Variants in PARD3 observed in about 807,000 individuals in gnomAD.
PARD3 encodes the protein par-3 family cell polarity regulator, also known as partitioning defective 3 homolog.
In PARD3, 75 loss-of-function variants were observed where a neutral mutation model predicts 155.4. That is an observed-to-expected ratio of 0.48 (90% CI 0.40 to 0.58). The LOEUF (loss-of-function observed/expected upper bound fraction) is 0.58. Ranked by LOEUF, PARD3 falls within the 20% of genes least tolerant of loss-of-function variation. The probability of loss-of-function intolerance (pLI) is 0.00; values close to 1 mark genes in which losing one functional copy is unlikely to be tolerated. For missense variants in PARD3, 1,642 were observed against 1,721.7 expected, an observed-to-expected ratio of 0.95 and a Z score of 0.82; for synonymous variants, 576 against 610.5, an observed-to-expected ratio of 0.94 and a Z score of 0.83.
chr10:34,124,825 TA>T (rs1947189963), intron 23 of PARD3, among the ~76,000 whole-genome samples: 1 of 152,108 alleles, frequency 6.6e-6, no homozygotes, highest in Admixed American at 6.5e-5. Flanking sequence ...ACACTGAAAA[TA>T]AAAAGGTTGC....
chr10:34,130,978 T>A (rs571316928), intron 23 of PARD3, among the ~76,000 whole-genome samples: 110 of 152,258 alleles, frequency 7.2e-4, no homozygotes, highest in African/African-American at 2.4e-3. Flanking sequence ...GAGGATTGCC[T>A]AAGCCTAGGA....
rs55681930 is a variant in PARD3, at chr10:34,227,856, T to TTATATATATATATATATATATATA, written c.3419+41777_3419+41800dup. Among the ~76,000 whole-genome samples, 440 of 82,016 alleles carry TTATATATATATATATATATATATA rather than the reference T, an allele frequency of 5.4e-3. 9 individuals are homozygous for TTATATATATATATATATATATATA. Among genetic ancestry groups the TTATATATATATATATATATATATA allele is most frequent in the Non-Finnish European group, 7.5e-3 (321 of 42,704 alleles). 53.8% of individuals were successfully genotyped at this position (82,016 alleles called of 152,430 possible). A position where few individuals can be genotyped will look rare whatever the true frequency, so the allele number is the denominator to read the frequency against. On this transcript the variant is annotated intron_variant, in intron 22 of 24. Transcript: ENST00000374788. ...TATTCCCAGTAATGGGAATTATTTTTTATATATATATATATATATATATAT... is the reference window on the plus strand; with the variant it reads ...TATTCCCAGTAATGGGAATTATTTTTTATATATATATATATATATATATATATATATATATATATATATATATAT...
intron 5 of PARD3, among the ~76,000 whole-genome samples, chr10:34,444,231 G>A (rs970034939): frequency 7.2e-5 from 11 of 152,140 alleles, no homozygotes; most frequent in Admixed American, 1.3e-4. Flanking sequence ...AAAATGGCAG[G>A]CTCCCAATTA....
chr10:34,278,718 G>C (rs1168426913), intron 21 of PARD3, among the ~76,000 whole-genome samples: 1 of 152,146 alleles, frequency 6.6e-6, no homozygotes, highest in Admixed American at 6.5e-5. Flanking sequence ...CCTTAGCCCT[G>C]TGGAACTGAG....
intron 22 of PARD3, among the ~76,000 whole-genome samples, chr10:34,231,719 C>T (rs1044130485): frequency 6.6e-6 from 1 of 151,876 alleles, no homozygotes; most frequent in African/African-American, 2.4e-5. Context: ...CAGCTAATGT[C>T]ATCTGCTCCA....
intron 22 of PARD3, among the ~76,000 whole-genome samples, chr10:34,174,110 A>G (rs12784812): frequency 0.027 from 4,164 of 152,280 alleles, 82 homozygotes; most frequent in Non-Finnish European, 0.04. Context: ...GGATGTCACC[A>G]AGCATAACGA....
intron 2 of PARD3, among the ~76,000 whole-genome samples, chr10:34,634,915 T>A (rs1000682502): frequency 6.6e-6 from 1 of 152,124 alleles, no homozygotes; most frequent in Non-Finnish European, 1.5e-5. Context: ...ACAGCCATGA[T>A]GGCATCACCA....
intron 5 of PARD3, among the ~76,000 whole-genome samples, chr10:34,408,533 C>T (rs966222746): frequency 1.4e-4 from 21 of 152,146 alleles, no homozygotes; most frequent in African/African-American, 4.6e-4. Context: ...GAATCTGTTT[C>T]CAAGTCTCCT....
At chr10:34,725,153 C>CTGTGTGTGTGTGTG (rs2094684170) in intron 1 of PARD3, among the ~76,000 whole-genome samples, 6 of 127,466 alleles carry the variant, frequency 4.7e-5, no homozygotes, top group African/African-American at 1.6e-4. Flanking sequence ...GTGTGTGTGA[C>CTGTGTGTGTGTGTG]AGAGAGAGAG....
chr10:34,636,241 C>T (rs2092470057), intron 2 of PARD3, among the ~76,000 whole-genome samples: 1 of 152,166 alleles, frequency 6.6e-6, no homozygotes. Flanking sequence ...CCCTGTACAC[C>T]TGCAGACAAA....
At chr10:34,396,915 T>C (rs1433781743) in intron 7 of PARD3, among the ~76,000 whole-genome samples, 2 of 152,174 alleles carry the variant, frequency 1.3e-5, no homozygotes, top group Non-Finnish European at 2.9e-5. Context: ...CAACAAGCCA[T>C]TTTCAGTTGC....
intron 2 of PARD3, among the ~76,000 whole-genome samples, chr10:34,573,726 AACAAACAAAAACAC>A (rs1351490619): frequency 2.0e-5 from 2 of 97,730 alleles, no homozygotes; most frequent in East Asian, 2.9e-4. Flanking sequence ...CAAACAAACA[AACAAACAAAAACAC>A]ACACACACAC....
chr10:34,317,910 CCTCTGT>C (rs1958109670), intron 19 of PARD3, among the ~76,000 whole-genome samples: 1 of 152,152 alleles, frequency 6.6e-6, no homozygotes, highest in African/African-American at 2.4e-5. Flanking sequence ...ATCTGCACAG[CCTCTGT>C]AACTCTTCTT....
At chr10:34,354,130 C>CA (rs375279575) in intron 14 of PARD3, among the ~76,000 whole-genome samples, 11,595 of 101,440 alleles carry the variant, frequency 0.11, 523 homozygotes, top group Non-Finnish European at 0.13. Context: ...TGTCTTTCTT[C>CA]AAAAAAAAAA....
intron 20 of PARD3, among the ~76,000 whole-genome samples, chr10:34,305,831 A>C (rs1121829): frequency 6.6e-6 from 1 of 151,828 alleles, no homozygotes; most frequent in Admixed American, 6.6e-5. Context: ...TAAAAAATTT[A>C]AAAAAATAGC....
intron 14 of PARD3, among the ~76,000 whole-genome samples, chr10:34,350,601 C>G (rs960172996): frequency 2.9e-5 from 4 of 138,640 alleles, no homozygotes; most frequent in African/African-American, 1.2e-4. Context: ...CCACTGCACT[C>G]CAGCCTGGCT....
chr10:34,684,526 GC>G (rs1271202088), intron 2 of PARD3, among the ~76,000 whole-genome samples: 1 of 151,872 alleles, frequency 6.6e-6, no homozygotes, highest in Non-Finnish European at 1.5e-5. Context: ...CTTGGTGAAT[GC>G]CCCACCATCT....
intron 1 of PARD3, among the ~76,000 whole-genome samples, chr10:34,731,321 T>C (rs2094812873): frequency 6.6e-6 from 1 of 152,222 alleles, no homozygotes; most frequent in African/African-American, 2.4e-5. Context: ...ATCAACTCAT[T>C]TGGAGAGCTG....
chr10:34,180,249 G>A (rs1402542458), intron 22 of PARD3, among the ~76,000 whole-genome samples: 1 of 152,154 alleles, frequency 6.6e-6, no homozygotes, highest in Non-Finnish European at 1.5e-5. Flanking sequence ...GTTTCACCAT[G>A]TTGGCCAGGA....
Sources: allele counts gnomAD v4.1 joint callset (sites outside exome capture counted in the v4.1 genomes callset), GRCh38; gene constraint gnomAD v4.1.1; transcripts MANE v1.5; gene names NCBI Gene and HGNC (gene_info 2026-07-23, HGNC 2026-07-21).